Variants in TGFBR3 observed in about 807,000 individuals in gnomAD.
TGFBR3 encodes the protein transforming growth factor beta receptor type 3.
Under a neutral mutation model 87.9 loss-of-function variants are expected in TGFBR3, and 46 were observed. That is an observed-to-expected ratio of 0.52 (90% CI 0.41 to 0.67). The LOEUF is 0.67. Among genes scored for constraint, TGFBR3 ranks in the 30% least tolerant of loss-of-function variants. The pLI is 0.00. For missense variants in TGFBR3, 866 were observed against 1,041.9 expected, an observed-to-expected ratio of 0.83 and a Z score of 2.32; for synonymous variants, 381 against 391.6, an observed-to-expected ratio of 0.97 and a Z score of 0.32.
chr1:91,801,082 T>TAAA, intron 2 of TGFBR3: 1 of 95,418 alleles, frequency 1.0e-5, no homozygotes, highest in Non-Finnish European at 2.0e-5. Flanking sequence ...AAACTCTGTC[T>TAAA]CAAAAAAAAA....
chr1:91,811,703 T>C (rs1676036173), intron 2 of TGFBR3, among the ~76,000 whole-genome samples: 1 of 152,186 alleles, frequency 6.6e-6, no homozygotes, highest in Admixed American at 6.5e-5. Flanking sequence ...GTACTATTAT[T>C]GTTTAATAAA....
chr1:91,791,110 G>C (rs1176721029), intron 3 of TGFBR3, among the ~76,000 whole-genome samples: 1 of 152,198 alleles, frequency 6.6e-6, no homozygotes, highest in Non-Finnish European at 1.5e-5. Context: ...GGCGAAGTCT[G>C]AATACTGAAG....
intron 4 of TGFBR3, among the ~76,000 whole-genome samples, chr1:91,740,083 G>C (rs1014119140): frequency 6.6e-6 from 1 of 152,146 alleles, no homozygotes; most frequent in Admixed American, 6.5e-5. Context: ...TTTTGAGATG[G>C]AGTCTTGCTC....
chr1:91,751,954 A>G (rs1673555391), intron 4 of TGFBR3, among the ~76,000 whole-genome samples: 1 of 152,178 alleles, frequency 6.6e-6, no homozygotes, highest in Non-Finnish European at 1.5e-5. Context: ...CAGAGTTTAA[A>G]AGCTGGGAGG....
chr1:91,866,152 T>A (rs1678390084), intron 1 of TGFBR3, among the ~76,000 whole-genome samples: 1 of 152,094 alleles, frequency 6.6e-6, no homozygotes, highest in Middle Eastern at 3.2e-3. Context: ...TAAACCAATA[T>A]TCAAAAGGAT....
intron 2 of TGFBR3, among the ~76,000 whole-genome samples, chr1:91,820,419 C>T (rs1217734863): frequency 1.3e-5 from 2 of 152,194 alleles, no homozygotes; most frequent in Non-Finnish European, 1.5e-5. Context: ...CACGGTGGCT[C>T]ACACCTGTAA....
At chr1:91,703,749 T>G (rs1376661449) in intron 14 of TGFBR3, among the ~76,000 whole-genome samples, 2 of 152,202 alleles carry the variant, frequency 1.3e-5, no homozygotes, top group Admixed American at 1.3e-4. Context: ...CTTCAAAATT[T>G]CAGAAAATAG....
chr1:91,860,790 C>T (rs915332065), intron 2 of TGFBR3, among the ~76,000 whole-genome samples: 2 of 151,730 alleles, frequency 1.3e-5, no homozygotes, highest in South Asian at 2.1e-4. Flanking sequence ...ATATTATCCA[C>T]GTGTAGTGGC....
At chr1:91,700,508 C>T (rs1335976573) in intron 14 of TGFBR3, among the ~76,000 whole-genome samples, 1 of 152,184 alleles carries the variant, frequency 6.6e-6, no homozygotes, top group Non-Finnish European at 1.5e-5. Flanking sequence ...GGAAGGAATG[C>T]TACTGGATGA....
rs796531006 is a variant in TGFBR3, at chr1:91,710,799, T to C, written c.2166+1444A>G. Among the ~76,000 whole-genome samples, 39 of 152,280 alleles carry C rather than the reference T, an allele frequency of 2.6e-4. 1 individual carries two copies. The highest frequency in any genetic ancestry group is 8.7e-4 in the African/African-American group (36 of 41,552). On this transcript the variant is annotated intron_variant, in intron 13 of 16. Coordinates refer to ENST00000212355, the MANE Select transcript of TGFBR3 (RefSeq NM_003243.5). The stretch of plus-strand genomic sequence containing the variant: ...GTCCAGAGACTGGCTTAAAGTCCCA[T>C]TGGTGGCAGCAGAGCTTCCTTCTCA...
intron 2 of TGFBR3, among the ~76,000 whole-genome samples, chr1:91,802,099 T>A (rs1397268870): frequency 2.0e-5 from 3 of 152,102 alleles, no homozygotes; most frequent in African/African-American, 7.2e-5. Flanking sequence ...AGGGTTTCCT[T>A]TGGGTAAAAA....
Position 91,841,517 on chromosome 1 carries a change from A to G in TGFBR3, c.61+19954T>C, listed in dbSNP as rs1227902984. On this transcript the variant is annotated intron_variant, in intron 2 of 16. Transcript: ENST00000212355. ...GGAATTATTATAAAAATAGTTGGCC[A>G]GGCGCAGTGGCTTACACCTGTAATC... Among the ~76,000 whole-genome samples, 5 of 152,230 alleles carry G rather than the reference A, an allele frequency of 3.3e-5. No individual in the cohort carries two copies. The South Asian group carries it at 8.3e-4, about 25-fold the overall frequency.
In TGFBR3 at chr1:91,797,286, C is replaced by CCT; in HGVS notation, c.245_246dup (p.Val83ArgfsTer6). Reference sequence around the variant, plus strand: ...GGCTGAGAGCTGACACCTGCACCTACCTCTCTCTGTAGCTGGCCAGGCCCC... The same window carrying CCT: ...GGCTGAGAGCTGACACCTGCACCTACCTCTCTCTCTGTAGCTGGCCAGGCCCC... On this transcript the variant is annotated frameshift_variant and splice_region_variant. Transcript: ENST00000212355. LOFTEE classifies it high-confidence loss of function. 1 of 1,614,052 alleles carries CCT rather than the reference C, an allele frequency of 6.2e-7. No homozygotes were observed. The highest frequency in any genetic ancestry group is 1.3e-5 in the African/African-American group (1 of 75,066).
At chr1:91,860,784 T>C (rs544607991) in intron 2 of TGFBR3, among the ~76,000 whole-genome samples, 1 of 151,632 alleles carries the variant, frequency 6.6e-6, no homozygotes, top group South Asian at 2.1e-4. Flanking sequence ...ATACAAATAT[T>C]ATCCACGTGT....
chr1:91,775,019 A>G (rs892248884), intron 3 of TGFBR3, among the ~76,000 whole-genome samples: 2 of 152,220 alleles, frequency 1.3e-5, no homozygotes, highest in African/African-American at 4.8e-5. Flanking sequence ...GTTATAGATA[A>G]GGAAATTGAA....
At chr1:91,749,307 T>C (rs1326857355) in intron 4 of TGFBR3, among the ~76,000 whole-genome samples, 1 of 152,080 alleles carries the variant, frequency 6.6e-6, no homozygotes, top group African/African-American at 2.4e-5. Flanking sequence ...CCCCCTGACT[T>C]CCAGGTATAC....
chr1:91,729,150 TACACACACACACACAC>T lies in TGFBR3; in HGVS notation c.737+639_737+654del, dbSNP rs57364204. On this transcript the variant is annotated intron_variant, in intron 6 of 16. Transcript: ENST00000212355. ...GTCACCATGGAGGGCCACTCCAGCA[TACACACACACACACAC>T]ACACACACACACACACACACACACA... is the stretch of plus-strand genomic sequence containing the variant. Among the ~76,000 whole-genome samples, 199 of 66,902 alleles carry T rather than the reference TACACACACACACACAC, an allele frequency of 3.0e-3. 4 individuals carry two copies. The highest frequency in any genetic ancestry group is 9.6e-3 in the African/African-American group (176 of 18,296). The allele number at this position is 66,902 out of a possible 152,430, so 43.9% of individuals were successfully genotyped here. A position where few individuals can be genotyped will look rare whatever the true frequency, so the allele number is the denominator to read the frequency against.
intron 3 of TGFBR3, among the ~76,000 whole-genome samples, chr1:91,781,004 A>C (rs1048614508): frequency 6.6e-6 from 1 of 151,814 alleles, no homozygotes; most frequent in African/African-American, 2.4e-5. Context: ...TGATGAACTG[A>C]TGTGTGAACA....
At chr1:91,826,579 C>T (rs1205604249) in intron 2 of TGFBR3, among the ~76,000 whole-genome samples, 1 of 152,106 alleles carries the variant, frequency 6.6e-6, no homozygotes, top group Non-Finnish European at 1.5e-5. Context: ...GCCAGCATTG[C>T]CCTTCCTGTT....
Sources: allele counts gnomAD v4.1 joint callset (sites outside exome capture counted in the v4.1 genomes callset), GRCh38; gene constraint gnomAD v4.1.1; transcripts MANE v1.5; gene names NCBI Gene and HGNC (gene_info 2026-07-23, HGNC 2026-07-21).